KDM6A: variants seen among roughly 807,000 people sequenced by gnomAD.
KDM6A encodes the protein lysine demethylase 6A, also known as lysine-specific demethylase 6A.
A neutral mutation model predicts 117.6 loss-of-function variants in KDM6A; 11 were observed. The observed-to-expected ratio is 0.09, with a 90% confidence interval of 0.06 to 0.15. KDM6A has a LOEUF of 0.15. Ranked by LOEUF, KDM6A falls within the 10% of genes least tolerant of loss-of-function variation. The pLI, the probability that KDM6A is intolerant of heterozygous loss-of-function variation, is 1.00. For synonymous variants in KDM6A, 384 were observed against 396.1 expected, an observed-to-expected ratio of 0.97 and a Z score of 0.36; for missense variants, 799 against 1,077.3, an observed-to-expected ratio of 0.74 and a Z score of 3.62.
intron 8 of KDM6A, among the ~76,000 whole-genome samples, chrX:45,043,158 T>TG (rs1248476818): frequency 9.0e-6 from 1 of 110,769 alleles, no homozygotes; most frequent in African/African-American, 3.3e-5. Flanking sequence ...GATATGGTGG[T>TG]GCATGCCTGT....
chrX:44,896,364 A>T (rs1213901078), intron 2 of KDM6A, among the ~76,000 whole-genome samples: 1 of 111,241 alleles, frequency 9.0e-6, no homozygotes, highest in Non-Finnish European at 1.9e-5. Context: ...GGCGTGAGTC[A>T]CCGCGCCCGG....
chrX:44,924,868 T>G (rs1192080858), intron 2 of KDM6A, among the ~76,000 whole-genome samples: 1 of 111,072 alleles, frequency 9.0e-6, no homozygotes, highest in African/African-American at 3.3e-5. Context: ...TTTAAATTTT[T>G]TGTAGCTATG....
chrX:44,903,367 G>A (rs764458276), intron 2 of KDM6A, among the ~76,000 whole-genome samples: 87 of 111,847 alleles, frequency 7.8e-4, no homozygotes, highest in Non-Finnish European at 1.4e-3. Context: ...CTTCTTTCGT[G>A]TTTTCAAGAT....
rs2148151565 is a variant in KDM6A at position 45,083,499 on chromosome X, T to G, written c.3480T>G (p.Ala1160=). The change falls in exon 24 of 30, where the codon GCT becomes GCG. Residue 1160 remains alanine (A), a synonymous_variant. Transcript: ENST00000611820. ...TACATGAGCTGACTAAACTTCCTGCTTTTGTGCGTGTCGTATCAGCAGGAA... is the reference window on the plus strand; with the variant it reads ...TACATGAGCTGACTAAACTTCCTGCGTTTGTGCGTGTCGTATCAGCAGGAA... The part of the protein sequence containing the change: ...LQLHELTKLP[A]FVRVVSAGNL... 8.3e-7 allele frequency: 1 copy of G among 1,210,049 alleles called. No homozygotes were observed. Among genetic ancestry groups the G allele is most frequent in the East Asian group, 3.0e-5 (1 of 33,830 alleles).
chrX:45,041,155 C>A (rs1378819690), intron 8 of KDM6A, among the ~76,000 whole-genome samples: 2 of 72,578 alleles, frequency 2.8e-5, no homozygotes, highest in Non-Finnish European at 4.9e-5. Context: ...CCGGACGGGG[C>A]GGCTGGCCGG....
intron 2 of KDM6A, among the ~76,000 whole-genome samples, chrX:44,932,764 A>C (rs1385585616): frequency 8.9e-6 from 1 of 111,838 alleles, no homozygotes; most frequent in Non-Finnish European, 1.9e-5. Flanking sequence ...ACAGAATTTA[A>C]AAAACAAACC....
chrX:45,076,785 T>G lies in KDM6A; in HGVS notation c.2947T>G (p.Leu983Val). The G allele has an allele frequency of 8.3e-7, 1 of 1,200,083 alleles. No individual in the cohort carries two copies. Among genetic ancestry groups the G allele is most frequent in the East Asian group, 3.0e-5 (1 of 33,756 alleles). The change falls in exon 19 of 30, where the codon TTG (leucine) becomes GTG (valine). Residue 983 changes from leucine (L) to valine (V), a missense_variant. Leu to Val is a conservative substitution (Grantham distance 32). This residue lies in a region of KDM6A where 291 missense variants were observed against 437.9 expected (regional missense o/e 0.66). Coordinates refer to ENST00000611820, the MANE Select transcript of KDM6A (RefSeq NM_001291415.2). Reference sequence around the variant, plus strand: ...ACCACCATCTTCACCATACCCTCCCTTGCCAAAGGACAAGTTGAATCCACC... The same window carrying G: ...ACCACCATCTTCACCATACCCTCCCGTGCCAAAGGACAAGTTGAATCCACC... ...PRPPSSPYPP[L>V]PKDKLNPPTP...
chrX:45,014,048 A>C (rs898154554), intron 5 of KDM6A, among the ~76,000 whole-genome samples: 10 of 111,836 alleles, frequency 8.9e-5, no homozygotes, highest in African/African-American at 3.3e-4. Context: ...TATTGTCAGC[A>C]TGAAGAATCT....
chrX:44,874,719 A>T (rs1423503978), intron 2 of KDM6A, among the ~76,000 whole-genome samples: 1 of 93,991 alleles, frequency 1.1e-5, no homozygotes, highest in Non-Finnish European at 2.0e-5. Flanking sequence ...ACTGTCATTT[A>T]GTTAAGTAAT....
intron 5 of KDM6A, among the ~76,000 whole-genome samples, chrX:45,015,156 T>C (rs2041911260): frequency 9.1e-6 from 1 of 110,123 alleles, no homozygotes. Context: ...GGCTGGAGTG[T>C]AGTGGCACAA....
chrX:45,050,473 T>C (rs2043790924), intron 8 of KDM6A, among the ~76,000 whole-genome samples: 4 of 112,447 alleles, frequency 3.6e-5, no homozygotes, highest in Admixed American at 2.8e-4. Flanking sequence ...GGTAGCAAGA[T>C]TGGATATTAG....
At chrX:45,090,190 T>A (rs1569539560) in intron 26 of KDM6A, among the ~76,000 whole-genome samples, 2 of 108,788 alleles carry the variant, frequency 1.8e-5, no homozygotes, top group African/African-American at 6.5e-5. Flanking sequence ...CTTGGTTTTA[T>A]TTTAAAAAAA....
chrX:44,877,064 CAT>C (rs144871624), intron 2 of KDM6A, among the ~76,000 whole-genome samples: 1,677 of 111,769 alleles, frequency 0.015, 20 homozygotes, highest in Middle Eastern at 0.057. Context: ...TGCGTATACA[CAT>C]ATATGTATAT....
chrX:45,090,643 T>C, intron 26 of KDM6A, 80 bp from the exon 27 acceptor site: 1 of 1,035,854 alleles, frequency 9.7e-7, no homozygotes, highest in Non-Finnish European at 1.3e-6. Context: ...GTTGAAGATA[T>C]CACCTGAGCA....
chrX:44,998,934 A>G (rs2040998362), intron 4 of KDM6A, among the ~76,000 whole-genome samples: 1 of 111,996 alleles, frequency 8.9e-6, no homozygotes. Context: ...CATGAGGGAT[A>G]TGTTCCAAGA....
At chrX:45,072,761 G>C (rs1042567312) in intron 18 of KDM6A, among the ~76,000 whole-genome samples, 3 of 109,737 alleles carry the variant, frequency 2.7e-5, no homozygotes, top group Non-Finnish European at 5.7e-5. Flanking sequence ...TTGTCAGAAA[G>C]AGTTCCATGG....
chrX:45,096,111 G>GA (rs747878323), intron 27 of KDM6A, among the ~76,000 whole-genome samples: 26 of 111,143 alleles, frequency 2.3e-4, no homozygotes, highest in African/African-American at 6.5e-4. Context: ...TATATTAAAA[G>GA]AAAAAATAAC....
intron 2 of KDM6A, among the ~76,000 whole-genome samples, chrX:44,949,848 C>T (rs1680605895): frequency 9.0e-6 from 1 of 111,232 alleles, no homozygotes; most frequent in African/African-American, 3.3e-5. Flanking sequence ...TTGCTGCAGG[C>T]GGGCTTTCTT....
chrX:45,059,516 A>T, intron 12 of KDM6A, 50 bp downstream of exon 12: 1 of 909,223 alleles, frequency 1.1e-6, no homozygotes, highest in African/African-American at 1.9e-5. Context: ...TCCCCAGAAC[A>T]CTCAGGCAGA....
Sources: allele counts gnomAD v4.1 joint callset (sites outside exome capture counted in the v4.1 genomes callset), GRCh38; gene constraint gnomAD v4.1.1; regional missense constraint gnomAD v4.1.1; transcripts MANE v1.5; gene names NCBI Gene and HGNC (gene_info 2026-07-23, HGNC 2026-07-21).